WASHC5: variants seen among roughly 807,000 people sequenced by gnomAD.
WASHC5 encodes the protein WASH complex subunit strumpellin.
A neutral mutation model predicts 150.4 loss-of-function variants in WASHC5; 101 were observed. The observed-to-expected ratio is 0.67, with a 90% CI of 0.57 to 0.79. The LOEUF is 0.79. WASHC5 is among the 30% of genes least tolerant of loss of function. The pLI, the probability that WASHC5 is intolerant of heterozygous loss-of-function variation, is 0.00. For synonymous variants in WASHC5, 467 were observed against 491.2 expected (o/e 0.95, Z 0.65); for missense variants, 1,195 against 1,396.3 (o/e 0.86, Z 2.30).
At chr8:125,045,584 C>T (rs939563205) in intron 20 of WASHC5, among the ~76,000 whole-genome samples, 3 of 152,186 alleles carry the variant, frequency 2.0e-5, no homozygotes, top group Non-Finnish European at 4.4e-5. Flanking sequence ...GCAAGCTCCA[C>T]AGATGACATA....
At position 125,084,006 on chromosome 8, in the gene WASHC5, C is replaced by T. The variant is rs1817348484; in HGVS notation, c.-108G>A. On this transcript the variant is annotated 5_prime_UTR_variant, in exon 2 of 29. Transcript: ENST00000318410. The stretch of plus-strand genomic sequence containing the variant: ...GAAACCAGGTGTGCAGAGAGATTGG[C>T]TCCTCCATTAAAGAACCTGTATCCC... 9.3e-7 allele frequency: 1 copy of T among 1,079,606 alleles called. No individual in the cohort carries two copies. Among genetic ancestry groups the T allele is most frequent in the Non-Finnish European group, 1.4e-6 (1 of 720,896 alleles). 66.9% of individuals were successfully genotyped at this position (1,079,606 alleles called of 1,614,324 possible).
chr8:125,044,706 GA>G lies in WASHC5; in HGVS notation c.2505-9del. 1 of 1,613,678 alleles carries G rather than the reference GA, an allele frequency of 6.2e-7. No individual in the cohort carries two copies. Among genetic ancestry groups the G allele is most frequent in the South Asian group, 1.1e-5 (1 of 91,054 alleles). ...TCTATGTGACATGTCATTCTAAAAT[GA>G]AAACAATGCAAAAACCCCAGAATGG... On this transcript the variant is annotated splice_polypyrimidine_tract_variant and intron_variant, in intron 20 of 28. Transcript: ENST00000318410.
chr8:125,050,614 G>C lies in WASHC5; in HGVS notation c.2149C>G (p.Arg717Gly). The C allele has an allele frequency of 6.2e-7, 1 of 1,614,152 alleles. No individual in the cohort carries two copies. Among genetic ancestry groups the C allele is most frequent in the Non-Finnish European group, 8.5e-7 (1 of 1,180,006 alleles). The stretch of plus-strand genomic sequence containing the variant: ...CCCCTATGCAGGGCAAAGGCAACGC[G>C]CTTCACAAGCTCTTTCCTTATTCCA... ...EDGIRKELVK[R>G]VAFALHRGLI... The change falls in exon 18 of 29, where the codon CGC becomes GGC. Residue 717 changes from arginine to glycine, a missense_variant. Coordinates refer to ENST00000318410, the MANE Select transcript of WASHC5 (RefSeq NM_014846.4).
chr8:125,079,661 G>A (rs893760458), intron 5 of WASHC5, among the ~76,000 whole-genome samples: 2 of 152,152 alleles, frequency 1.3e-5, no homozygotes, highest in Non-Finnish European at 2.9e-5. Flanking sequence ...CACTCCAGCA[G>A]GGTCTGAATT....
intron 26 of WASHC5, chr8:125,032,619 T>G (rs939233402): frequency 1.8e-6 from 1 of 564,662 alleles, no homozygotes; most frequent in Non-Finnish European, 3.2e-6. Context: ...TTACTAAATT[T>G]TGTAATTATC....
chr8:125,078,589 A>G (rs1287609921), intron 6 of WASHC5, 149 bp downstream of exon 6: 1 of 642,926 alleles, frequency 1.6e-6, no homozygotes. Flanking sequence ...TCTTTCCTTT[A>G]TCATCCTGGG....
chr8:125,059,184 T>C (rs1244982648), intron 14 of WASHC5, 38 bp downstream of exon 14: 1 of 1,500,026 alleles, frequency 6.7e-7, no homozygotes, highest in South Asian at 1.1e-5. Context: ...AGGCCAACTC[T>C]TTCCTAGCAA....
At position 125,059,494 on chromosome 8, in the gene WASHC5, G is replaced by A; in HGVS notation, c.1570C>T (p.Leu524Phe). 1 of 1,613,894 alleles carries A rather than the reference G, an allele frequency of 6.2e-7. No individual in the cohort carries two copies. Residue 524 changes from leucine (L) to phenylalanine (F), a missense_variant, in exon 13 of 29, where the codon CTT becomes TTT. Physicochemically the swap from Leu to Phe is conservative, Grantham distance 22 (BLOSUM62 0). This residue lies in a region of WASHC5 where 997 missense variants were observed against 1,168.1 expected (regional missense o/e 0.85). Transcript: ENST00000318410. ...TGAAGAAACTTTCGAGTATCGGCAA[G>A]AAACTGACATACTTGCAGATTGGAT... ...LESNLQVCQFLADTRKFLHQM... is the reference protein window; with the variant it reads ...LESNLQVCQFFADTRKFLHQM...
chr8:125,065,183 T>C (rs531655733), intron 10 of WASHC5, among the ~76,000 whole-genome samples: 6 of 152,302 alleles, frequency 3.9e-5, no homozygotes, highest in Admixed American at 3.3e-4. Context: ...ACAGGTCCAA[T>C]TACTGTGTCT....
intron 17 of WASHC5, among the ~76,000 whole-genome samples, chr8:125,052,615 C>T (rs28620834): frequency 1.9e-4 from 25 of 129,982 alleles, no homozygotes; most frequent in Admixed American, 5.6e-4. Flanking sequence ...ACACTACACA[C>T]ACACACACAC....
At chr8:125,063,939 C>T (rs1170748847) in intron 10 of WASHC5, among the ~76,000 whole-genome samples, 3 of 152,102 alleles carry the variant, frequency 2.0e-5, no homozygotes, top group Non-Finnish European at 4.4e-5. Flanking sequence ...CAAAGATTCT[C>T]GTTCAGGCGG....
intron 27 of WASHC5, among the ~76,000 whole-genome samples, chr8:125,029,087 A>G (rs996721831): frequency 4.1e-5 from 6 of 147,842 alleles, no homozygotes; most frequent in African/African-American, 1.5e-4. Context: ...GCTGGAGTGC[A>G]GTGGTATGAT....
At chr8:125,081,465 T>G (rs1817259922) in intron 5 of WASHC5, among the ~76,000 whole-genome samples, 196 bp downstream of exon 5, 1 of 152,194 alleles carries the variant, frequency 6.6e-6, no homozygotes, top group Non-Finnish European at 1.5e-5. Context: ...ATCAAACTCC[T>G]GACCTCAGAT....
At chr8:125,059,162 A>T in intron 14 of WASHC5, 60 bp downstream of exon 14, 4 of 1,146,390 alleles carry the variant, frequency 3.5e-6, no homozygotes, top group Non-Finnish European at 5.3e-6. Flanking sequence ...TTAATGAATG[A>T]GGTATGAATG....
At position 125,059,422 on chromosome 8, in the gene WASHC5, T is replaced by C. The variant is rs138176168; in HGVS notation, c.1642A>G (p.Met548Val). The change falls in exon 13 of 29, where the codon ATG (methionine) becomes GTG (valine). Residue 548 changes from methionine to valine, a missense_variant. Coordinates refer to ENST00000318410, the MANE Select transcript of WASHC5 (RefSeq NM_014846.4). ...INIKEEVLIT[M>V]QIVGDLSFAW... Reference sequence around the variant, plus strand: ...AAAGAAAGGTCCCCAACGATCTGCATTGTGATCAGAACCTCCTCTTTAATG... The same window carrying C: ...AAAGAAAGGTCCCCAACGATCTGCACTGTGATCAGAACCTCCTCTTTAATG... 53 of 1,614,188 alleles carry C rather than the reference T, an allele frequency of 3.3e-5. No individual in the cohort carries two copies. The highest frequency in any genetic ancestry group is 1.6e-4 in the Middle Eastern group (1 of 6,062).
Position 125,069,701 on chromosome 8 carries a change from C to T in WASHC5, c.1151-1982G>A, listed in dbSNP as rs543087426. Among the ~76,000 whole-genome samples the T allele has an allele frequency of 1.2e-4, 19 of 152,244 alleles. No individual in the cohort carries two copies. In the South Asian group the frequency reaches 2.3e-3, roughly 18 times the overall value. Reference sequence around the variant, plus strand: ...AAAGAGGCTCAGTTTTCATGGGAAACTGCAAAGTTCTGATTTTTCATGAAT... The same window carrying T: ...AAAGAGGCTCAGTTTTCATGGGAAATTGCAAAGTTCTGATTTTTCATGAAT... On this transcript the variant is annotated intron_variant, in intron 9 of 28. Transcript: ENST00000318410.
intron 25 of WASHC5, among the ~76,000 whole-genome samples, chr8:125,038,320 A>T (rs190123845): frequency 0.013 from 1,948 of 152,288 alleles, 34 homozygotes; most frequent in African/African-American, 0.045. Context: ...AGGATAAATA[A>T]CTAGTATAAA....
At chr8:125,037,077 C>T (rs1020093348) in intron 26 of WASHC5, among the ~76,000 whole-genome samples, 160 bp downstream of exon 26, 9 of 152,012 alleles carry the variant, frequency 5.9e-5, no homozygotes, top group African/African-American at 1.9e-4. Flanking sequence ...CATAAAAAGG[C>T]ATTGTATTTC....
At position 125,050,429 on chromosome 8, in the gene WASHC5, T is replaced by G. The variant is rs181485736; in HGVS notation, c.2199+135A>C. 16 of 561,914 alleles carry G rather than the reference T, an allele frequency of 2.8e-5. No homozygotes were observed. In the Admixed American group the frequency reaches 4.7e-4, roughly 16 times the overall value. 34.8% of individuals were successfully genotyped at this position (561,914 alleles called of 1,614,324 possible). A position where few individuals can be genotyped will look rare whatever the true frequency, so the allele number is the denominator to read the frequency against. On this transcript the variant is annotated intron_variant, in intron 18 of 28. Coordinates refer to ENST00000318410, the MANE Select transcript of WASHC5 (RefSeq NM_014846.4). ...AAGATCAAAAAGCACATCAGTTGTT[T>G]GTGTTGAAAATCACATATTTGATAT... is the stretch of plus-strand genomic sequence containing the variant.
Sources: allele counts gnomAD v4.1 joint callset (sites outside exome capture counted in the v4.1 genomes callset), GRCh38; gene constraint gnomAD v4.1.1; regional missense constraint gnomAD v4.1.1; transcripts MANE v1.5; gene names NCBI Gene and HGNC (gene_info 2026-07-23, HGNC 2026-07-21).